The following LRRC56 variants were observed in gnomAD, a reference collection of about 807,000 sequenced individuals.
LRRC56 encodes the protein leucine rich repeat containing 56, also known as leucine-rich repeat-containing protein 56.
In LRRC56, 41 loss-of-function variants were observed where a neutral mutation model predicts 47.8. That is an observed-to-expected ratio of 0.86 (90% confidence interval 0.67 to 1.11). LRRC56 has a LOEUF of 1.11. Ranked by LOEUF, LRRC56 falls within the 50% of genes most tolerant of loss-of-function variation. The pLI is 0.00. For missense variants in LRRC56, 759 were observed against 704.2 expected (o/e 1.08, Z -0.88); for synonymous variants, 387 against 311.2 (o/e 1.24, Z -2.56).
At position 551,627 on chromosome 11, in the gene LRRC56, C is replaced by A. The variant is rs1489445909; in HGVS notation, c.797-24C>A. On this transcript the variant is annotated intron_variant, in intron 9 of 13. Transcript: ENST00000270115. ...GCGCTCTCAGGCTGGGCCTTGGTGACCTCTGCTTCTGAACCTCGGGCAGAC... is the reference window on the plus strand; with the variant it reads ...GCGCTCTCAGGCTGGGCCTTGGTGAACTCTGCTTCTGAACCTCGGGCAGAC... The A allele has an allele frequency of 3.3e-6, 5 of 1,533,694 alleles. No individual in the cohort carries two copies. In the South Asian group the frequency reaches 6.4e-5, roughly 20 times the overall value.
chr11:515,368 A>G, the LRRC56 span, among the ~76,000 whole-genome samples: 2 of 152,180 alleles, frequency 1.3e-5, no homozygotes, highest in African/African-American at 4.8e-5. Flanking sequence ...TTGTCTTCTC[A>G]GGGCCTTTCA....
upstream of LRRC56, chr11:533,476 C>G (rs909222512): frequency 4.3e-6 from 7 of 1,613,378 alleles, no homozygotes; most frequent in Admixed American, 3.3e-5. Context: ...GCCGAGGTCT[C>G]GATGTAGGGG....
In LRRC56 at chr11:551,811, C is replaced by T. The variant is rs748497840; in HGVS notation, c.957C>T (p.Thr319=). Residue 319 remains threonine, a synonymous_variant, in exon 10 of 14, where the codon ACC becomes ACT. Transcript: ENST00000270115. ...LSEDLAPEDN[T]SSLTHGAGQV... ...AGGACCTGGCCCCAGAAGATAACAC[C>T]AGCAGCCTCACCCATGGTAACTGAC... The T allele has an allele frequency of 5.6e-6, 9 of 1,607,314 alleles. No individual in the cohort carries two copies. In the South Asian group the frequency reaches 8.8e-5, roughly 16 times the overall value.
At chr11:512,744 G>C in the LRRC56 span, among the ~76,000 whole-genome samples, 2 of 152,190 alleles carry the variant, frequency 1.3e-5, no homozygotes, top group African/African-American at 4.8e-5. Context: ...CTATATGAGT[G>C]GTATCCATGC....
intron 5 of LRRC56, among the ~76,000 whole-genome samples, chr11:542,960 A>G (rs1851877242): frequency 6.6e-6 from 1 of 151,820 alleles, no homozygotes; most frequent in Non-Finnish European, 1.5e-5. Flanking sequence ...CAGTGGCGCA[A>G]TCTCAGCTCA....
the LRRC56 span, among the ~76,000 whole-genome samples, chr11:511,896 C>CG: frequency 6.6e-6 from 1 of 152,116 alleles, no homozygotes; most frequent in Non-Finnish European, 1.5e-5. Context: ...AGCTGTGCAG[C>CG]GGCAGAGCAT....
At chr11:530,444 G>A in the LRRC56 span, among the ~76,000 whole-genome samples, 127 of 150,300 alleles carry the variant, frequency 8.4e-4, no homozygotes, top group Non-Finnish European at 1.5e-3. Context: ...TGGACAGAAG[G>A]GCAAGTGTGG....
chr11:544,799 T>A lies in LRRC56; in HGVS notation c.326+19T>A, dbSNP rs376672613. 366 of 1,363,864 alleles carry A rather than the reference T, an allele frequency of 2.7e-4. No individual in the cohort carries two copies. Among genetic ancestry groups the A allele is most frequent in the Non-Finnish European group, 3.2e-4 (331 of 1,038,700 alleles). The allele number at this position is 1,363,864 out of a possible 1,614,324, so 84.5% of individuals were successfully genotyped here. ...CCCTGAGGTGAGCGCCTGAGGGGGGTGGGCTGGGGCCCTGCCATGAGGGGG... is the reference window on the plus strand; with the variant it reads ...CCCTGAGGTGAGCGCCTGAGGGGGGAGGGCTGGGGCCCTGCCATGAGGGGG... On this transcript the variant is annotated intron_variant, in intron 6 of 13. Coordinates refer to ENST00000270115, the MANE Select transcript of LRRC56 (RefSeq NM_198075.4).
upstream of LRRC56, chr11:533,990 G>C (rs2133992417): frequency 2.5e-6 from 4 of 1,591,414 alleles, no homozygotes; most frequent in Non-Finnish European, 3.4e-6. Flanking sequence ...CCTTCCGTGG[G>C]GGGAGTTCAC....
At chr11:544,438 G>A (rs895379898) in intron 5 of LRRC56, among the ~76,000 whole-genome samples, 1 of 152,334 alleles carries the variant, frequency 6.6e-6, no homozygotes, top group Admixed American at 6.5e-5. Flanking sequence ...GGCTACAGAC[G>A]AGGGGCGCGG....
chr11:525,314 C>T, the LRRC56 span, among the ~76,000 whole-genome samples: 16 of 151,176 alleles, frequency 1.1e-4, no homozygotes, highest in South Asian at 6.3e-4. Context: ...CCAAGGCGGG[C>T]GGATCACGAG....
Position 554,229 on chromosome 11 carries a change from C to T in LRRC56, c.1582C>T (p.Pro528Ser). The change falls in exon 14 of 14, where the codon CCT becomes TCT. Residue 528 changes from proline (P) to serine (S), a missense_variant. Pro to Ser is a moderately conservative substitution (Grantham distance 74, BLOSUM62 -1). Coordinates refer to ENST00000270115, the MANE Select transcript of LRRC56 (RefSeq NM_198075.4). The part of the protein sequence containing the change: ...PKPAPDAAAR[P>S]PRAAELSHPS... The stretch of plus-strand genomic sequence containing the variant: ...GCCAGCACCAGATGCAGCAGCTAGA[C>T]CTCCCAGGGCAGCTGAACTCTCTCA... 6.6e-7 allele frequency: 1 copy of T among 1,515,768 alleles called. No individual in the cohort carries two copies. The highest frequency in any genetic ancestry group is 8.8e-7 in the Non-Finnish European group (1 of 1,134,744). The allele number at this position is 1,515,768 out of a possible 1,614,324, so 93.9% of individuals were successfully genotyped here. A position where few individuals can be genotyped will look rare whatever the true frequency, so the allele number is the denominator to read the frequency against.
chr11:518,625 C>G, the LRRC56 span, among the ~76,000 whole-genome samples: 4 of 152,174 alleles, frequency 2.6e-5, no homozygotes, highest in East Asian at 3.9e-4. Context: ...GCCCGGCCGC[C>G]TGTTCACTTT....
At chr11:547,441 C>G (rs1200467426) in intron 6 of LRRC56, among the ~76,000 whole-genome samples, 5 of 151,840 alleles carry the variant, frequency 3.3e-5, no homozygotes, top group Non-Finnish European at 5.9e-5. Flanking sequence ...GCAATCTCGC[C>G]TCCCGGGTTC....
At chr11:511,820 T>C in the LRRC56 span, among the ~76,000 whole-genome samples, 1 of 152,190 alleles carries the variant, frequency 6.6e-6, no homozygotes, top group African/African-American at 2.4e-5. Context: ...AGCTAGCCTC[T>C]GGGAACCGGA....
chr11:550,600 G>A (rs1450302500), intron 8 of LRRC56, among the ~76,000 whole-genome samples: 1 of 152,136 alleles, frequency 6.6e-6, no homozygotes, highest in African/African-American at 2.4e-5. Flanking sequence ...ACCTGTGTAC[G>A]CCCTGTCCAG....
chr11:527,230 G>C, the LRRC56 span, among the ~76,000 whole-genome samples: 1 of 152,068 alleles, frequency 6.6e-6, no homozygotes, highest in Non-Finnish European at 1.5e-5. Context: ...GAACCCAGGA[G>C]GTAGAGGTTG....
intron 8 of LRRC56, among the ~76,000 whole-genome samples, chr11:550,726 C>T (rs149281287): frequency 1.1e-3 from 171 of 152,246 alleles, no homozygotes; most frequent in Non-Finnish European, 2.0e-3. Flanking sequence ...AGCTCACAGA[C>T]CCTACACAGG....
At chr11:516,449 A>G in the LRRC56 span, among the ~76,000 whole-genome samples, 39 of 151,972 alleles carry the variant, frequency 2.6e-4, no homozygotes, top group African/African-American at 7.5e-4. Context: ...TCACTTGACC[A>G]TTGTTTTCCA....
Sources: gnomAD v4.1 joint callset for allele counts (sites outside exome capture counted in the v4.1 genomes callset) on GRCh38, gnomAD v4.1.1 for gene constraint, MANE v1.5 for transcripts, NCBI Gene and HGNC (gene_info 2026-07-23, HGNC 2026-07-21) for gene names.